MICAL2: variants seen among roughly 807,000 people sequenced by gnomAD.
The protein encoded by MICAL2 is microtubule associated monooxygenase, calponin and LIM domain containing 2.
In MICAL2, 77 loss-of-function variants were observed where a neutral mutation model predicts 127.3. That is an observed-to-expected ratio of 0.60 (90% confidence interval 0.50 to 0.73). The LOEUF (loss-of-function observed/expected upper bound fraction) is 0.73. Ranked by LOEUF, MICAL2 falls within the 30% of genes least tolerant of loss-of-function variation. The pLI, the probability that MICAL2 is intolerant of heterozygous loss-of-function variation, is 0.00. For synonymous variants in MICAL2, 570 were observed against 551.1 expected (o/e 1.03, Z -0.48); for missense variants, 1,351 against 1,434.4 (o/e 0.94, Z 0.94).
intron 32 of MICAL2, among the ~76,000 whole-genome samples, chr11:12,337,506 T>C (rs1487180071): frequency 6.6e-6 from 1 of 152,200 alleles, no homozygotes; most frequent in Non-Finnish European, 1.5e-5. Flanking sequence ...CTTTTGAATG[T>C]GTTTGCTCTT....
intron 32 of MICAL2, among the ~76,000 whole-genome samples, chr11:12,334,149 T>C (rs1339817430): frequency 6.6e-6 from 1 of 152,162 alleles, no homozygotes; most frequent in East Asian, 1.9e-4. Flanking sequence ...TTGGAAAATA[T>C]ACAGTCACAC....
intron 33 of MICAL2, among the ~76,000 whole-genome samples, chr11:12,351,095 G>A (rs1939036074): frequency 1.3e-5 from 2 of 152,156 alleles, no homozygotes; most frequent in Admixed American, 6.5e-5. Flanking sequence ...AATCCAGAAT[G>A]TTCTTATCTT....
chr11:12,353,886 A>G (rs1026222395), intron 33 of MICAL2, among the ~76,000 whole-genome samples: 1 of 152,034 alleles, frequency 6.6e-6, no homozygotes, highest in African/African-American at 2.4e-5. Context: ...TTGTTTTCTC[A>G]TGTACCACAG....
chr11:12,353,988 C>A (rs1230503537), intron 33 of MICAL2, among the ~76,000 whole-genome samples: 1 of 152,182 alleles, frequency 6.6e-6, no homozygotes, highest in Non-Finnish European at 1.5e-5. Context: ...TTCTCCCGGG[C>A]CTATGCTAGT....
At chr11:12,319,582 G>T in intron 29 of MICAL2, 4 of 741,068 alleles carry the variant, frequency 5.4e-6, no homozygotes, top group Non-Finnish European at 9.3e-6. Context: ...GCAGTGAGGG[G>T]AGGGCAGGGA....
intron 1 of MICAL2, among the ~76,000 whole-genome samples, chr11:12,129,129 T>C (rs1851194036): frequency 6.6e-6 from 1 of 152,134 alleles, no homozygotes; most frequent in South Asian, 2.1e-4. Flanking sequence ...TGAATAGAAT[T>C]CAATCAGCAT....
In MICAL2 at chr11:12,223,469, C is replaced by G. The variant is rs375107813; in HGVS notation, c.1508C>G (p.Ser503Trp). ...LEHYPLERLG[S>W]VRRSVNLSRK... ...CACTACCCTCTCGAGAGACTGGGCTCGGTGAGGAGATCTGTCAACCTCTCC... is the reference window on the plus strand; with the variant it reads ...CACTACCCTCTCGAGAGACTGGGCTGGGTGAGGAGATCTGTCAACCTCTCC... The change falls in exon 12 of 28, where the codon TCG (serine) becomes TGG (tryptophan). Residue 503 changes from serine to tryptophan, a missense_variant. Coordinates refer to ENST00000683283, the MANE Select transcript of MICAL2 (RefSeq NM_001282663.2). The G allele has an allele frequency of 6.2e-7, 1 of 1,614,004 alleles. No homozygotes were observed. Among genetic ancestry groups the G allele is most frequent in the African/African-American group, 1.3e-5 (1 of 74,998 alleles).
chr11:12,255,383 G>C, intron 22 of MICAL2: 2 of 464,200 alleles, frequency 4.3e-6, no homozygotes, highest in Non-Finnish European at 7.9e-6. Flanking sequence ...CTACGATTTT[G>C]ACTACTCTAG....
chr11:12,275,868 G>A (rs897245667), upstream of MICAL2: 2 of 397,872 alleles, frequency 5.0e-6, no homozygotes, highest in Non-Finnish European at 4.4e-6. Context: ...AGGACAAGAA[G>A]GTCAGCTTTG....
At chr11:12,123,256 G>A (rs1025732021) in intron 1 of MICAL2, among the ~76,000 whole-genome samples, 1 of 151,962 alleles carries the variant, frequency 6.6e-6, no homozygotes, top group Non-Finnish European at 1.5e-5. Flanking sequence ...AAGTAAATTG[G>A]TTAAGGCATT....
chr11:12,128,942 G>C (rs1851176307), intron 1 of MICAL2, among the ~76,000 whole-genome samples: 1 of 152,200 alleles, frequency 6.6e-6, no homozygotes, highest in South Asian at 2.1e-4. Context: ...CTCTGAAAGA[G>C]TTATTATTAT....
intron 32 of MICAL2, among the ~76,000 whole-genome samples, chr11:12,340,807 G>T (rs1012214873): frequency 3.3e-5 from 5 of 152,162 alleles, no homozygotes; most frequent in Non-Finnish European, 7.4e-5. Context: ...TTTCACTAAA[G>T]CCCAAAGTCA....
At chr11:12,318,190 C>T (rs1416637538) in intron 29 of MICAL2, among the ~76,000 whole-genome samples, 1 of 152,154 alleles carries the variant, frequency 6.6e-6, no homozygotes, top group Non-Finnish European at 1.5e-5. Context: ...CCTTCCACAA[C>T]AATTCTGCAA....
intron 30 of MICAL2, among the ~76,000 whole-genome samples, chr11:12,320,832 G>A (rs1864286402): frequency 1.3e-5 from 2 of 151,910 alleles, no homozygotes; most frequent in Admixed American, 1.3e-4. Context: ...AAAGAGGGAG[G>A]GAGAAGAGAG....
At chr11:12,155,176 G>A (rs540166879) in intron 2 of MICAL2, among the ~76,000 whole-genome samples, 103 of 152,268 alleles carry the variant, frequency 6.8e-4, no homozygotes, top group African/African-American at 2.3e-3. Flanking sequence ...CCCCTGTTCT[G>A]GAAGGTCCTT....
chr11:12,195,578 A>G (rs1189768185), intron 3 of MICAL2, among the ~76,000 whole-genome samples: 1 of 63,486 alleles, frequency 1.6e-5, no homozygotes, highest in Admixed American at 2.5e-4. Flanking sequence ...AAACAAAAAA[A>G]TTACAATGGG....
At chr11:12,284,979 G>T (rs1322972514) in intron 2 of MICAL2, among the ~76,000 whole-genome samples, 1 of 152,204 alleles carries the variant, frequency 6.6e-6, no homozygotes, top group African/African-American at 2.4e-5. Context: ...GATAGAAAAA[G>T]AGTTTAATTT....
At chr11:12,189,499 C>T (rs1416149276) in intron 3 of MICAL2, among the ~76,000 whole-genome samples, 2 of 152,152 alleles carry the variant, frequency 1.3e-5, no homozygotes, top group Non-Finnish European at 2.9e-5. Context: ...TCAGGTATTA[C>T]AGGGAGCTAG....
chr11:12,245,474 T>C (rs1224522741), intron 21 of MICAL2, among the ~76,000 whole-genome samples: 1 of 152,144 alleles, frequency 6.6e-6, no homozygotes, highest in Non-Finnish European at 1.5e-5. Context: ...GTAGAGTCCC[T>C]AAGAAAGGAG....
Sources: allele counts gnomAD v4.1 joint callset (sites outside exome capture counted in the v4.1 genomes callset), GRCh38; gene constraint gnomAD v4.1.1; transcripts MANE v1.5; gene names NCBI Gene and HGNC (gene_info 2026-07-23, HGNC 2026-07-21).